Variants in DLGAP2 observed in about 807,000 individuals in gnomAD.
DLGAP2 encodes the protein disks large-associated protein 2.
In DLGAP2, 26 loss-of-function variants were observed where a neutral mutation model predicts 100.3. That is an observed-to-expected ratio of 0.26 (90% CI 0.19 to 0.36). The LOEUF (loss-of-function observed/expected upper bound fraction) is 0.36. Among genes scored for constraint, DLGAP2 ranks in the 10% least tolerant of loss-of-function variants. The pLI, the probability that DLGAP2 is intolerant of heterozygous loss-of-function variation, is 1.00. For synonymous variants in DLGAP2, 886 were observed against 630.1 expected (o/e 1.41, Z -6.08); for missense variants, 1,858 against 1,453.2 (o/e 1.28, Z -4.53).
intron 2 of DLGAP2, among the ~76,000 whole-genome samples, chr8:963,484 T>C (rs1300577500): frequency 6.6e-6 from 1 of 152,246 alleles, no homozygotes; most frequent in Non-Finnish European, 1.5e-5. Flanking sequence ...TTATTAATTT[T>C]AATATAACTT....
chr8:755,911 A>C (rs1336008317), intron 1 of DLGAP2, among the ~76,000 whole-genome samples: 2 of 151,910 alleles, frequency 1.3e-5, no homozygotes, highest in Non-Finnish European at 2.9e-5. Flanking sequence ...GCGGGTGGAG[A>C]GTGTGGGATA....
chr8:1,339,470 A>T (rs1801370299), intron 3 of DLGAP2, among the ~76,000 whole-genome samples: 1 of 152,006 alleles, frequency 6.6e-6, no homozygotes, highest in South Asian at 2.1e-4. Context: ...GCACACAGGG[A>T]CCCTCCCTTG....
chr8:1,178,742 C>T (rs181668699), intron 2 of DLGAP2, among the ~76,000 whole-genome samples: 104 of 152,286 alleles, frequency 6.8e-4, no homozygotes, highest in African/African-American at 2.2e-3. Context: ...CCCTTTGGCT[C>T]AGAGACAGTC....
intron 2 of DLGAP2, among the ~76,000 whole-genome samples, chr8:1,025,882 A>G (rs138013380): frequency 7.9e-4 from 121 of 152,258 alleles, no homozygotes; most frequent in African/African-American, 2.8e-3. Flanking sequence ...CAATATACAA[A>G]GTGAGGGACA....
rs568508673 is a variant in DLGAP2 at position 1,347,003 on chromosome 8, T to C, written c.106+88120T>C. Among the ~76,000 whole-genome samples, 4 of 151,944 alleles carry C rather than the reference T, an allele frequency of 2.6e-5. No individual in the cohort carries two copies. The South Asian group carries it at 6.3e-4, about 24-fold the overall frequency. On this transcript the variant is annotated intron_variant, in intron 3 of 14. Transcript: ENST00000637795. ...CTGCATTGCACTCATGGTAGCTGTG[T>C]GGAGGTTGAGTTACCATACAGAGCT... is the stretch of plus-strand genomic sequence containing the variant.
intron 6 of DLGAP2, among the ~76,000 whole-genome samples, chr8:1,602,662 A>T (rs1160400499): frequency 6.6e-6 from 1 of 152,204 alleles, no homozygotes; most frequent in Non-Finnish European, 1.5e-5. Context: ...CAAGGCAGCA[A>T]GGAAGCCCCT....
chr8:1,356,406 A>G (rs1801852058), intron 3 of DLGAP2, among the ~76,000 whole-genome samples: 1 of 152,166 alleles, frequency 6.6e-6, no homozygotes, highest in Non-Finnish European at 1.5e-5. Flanking sequence ...GAAAAATAAA[A>G]CCATGTGAAA....
chr8:957,099 G>A (rs1281897436), intron 2 of DLGAP2, among the ~76,000 whole-genome samples: 2 of 152,216 alleles, frequency 1.3e-5, no homozygotes, highest in African/African-American at 2.4e-5. Context: ...TGTGGGAGAG[G>A]AGGTTTTCTT....
chr8:1,537,229 C>G (rs894085710), intron 4 of DLGAP2, among the ~76,000 whole-genome samples: 2 of 152,058 alleles, frequency 1.3e-5, no homozygotes, highest in African/African-American at 2.4e-5. Context: ...GCATGTGCAT[C>G]TGTGTGTTTG....
chr8:1,005,908 G>A lies in DLGAP2; in HGVS notation c.73+97942G>A, dbSNP rs191390684. ...AACTTACGTAACGGGGAGTGAGGGA[G>A]ATCAAAGAAATCTCACACCCTGGTC... On this transcript the variant is annotated intron_variant, in intron 2 of 14. Transcript: ENST00000637795. Among the ~76,000 whole-genome samples the A allele has an allele frequency of 8.5e-4, 130 of 152,254 alleles. 1 individual carries two copies. The highest frequency in any genetic ancestry group is 2.9e-3 in the African/African-American group (122 of 41,536).
intron 3 of DLGAP2, among the ~76,000 whole-genome samples, chr8:1,318,916 A>C (rs1361778414): frequency 1.3e-5 from 2 of 151,826 alleles, no homozygotes; most frequent in Non-Finnish European, 2.9e-5. Context: ...CATAGATTTT[A>C]GGATTAACTC....
At chr8:1,632,683 T>C (rs906563069) in intron 7 of DLGAP2, 144 bp from the exon 8 acceptor site, 24 of 722,704 alleles carry the variant, frequency 3.3e-5, no homozygotes, top group Non-Finnish European at 5.2e-5. Flanking sequence ...GCTCAGCCGA[T>C]GCCCATGCTG....
Position 946,269 on chromosome 8 carries a change from GT to G in DLGAP2, c.73+38319del, listed in dbSNP as rs767524745. On this transcript the variant is annotated intron_variant, in intron 2 of 14. Transcript: ENST00000637795. ...CTGTGAGAATAGTGCTGTTTCTTAG[GT>G]TTTTTTTTTTTTTTTGACAGTCTCA... is the stretch of plus-strand genomic sequence containing the variant. Among the ~76,000 whole-genome samples the G allele has an allele frequency of 3.6e-3, 500 of 140,094 alleles. 2 individuals are homozygous for G. Among genetic ancestry groups the G allele is most frequent in the African/African-American group, 7.0e-3 (265 of 37,924 alleles). 91.9% of individuals were successfully genotyped at this position (140,094 alleles called of 152,430 possible). A position where few individuals can be genotyped will look rare whatever the true frequency, so the allele number is the denominator to read the frequency against.
At chr8:1,070,944 A>G (rs1450293606) in intron 2 of DLGAP2, among the ~76,000 whole-genome samples, 1 of 152,192 alleles carries the variant, frequency 6.6e-6, no homozygotes, top group East Asian at 1.9e-4. Flanking sequence ...AGCCCCTGGA[A>G]GACTCAGCCT....
intron 2 of DLGAP2, among the ~76,000 whole-genome samples, chr8:990,281 C>T (rs996933046): frequency 6.6e-6 from 1 of 151,742 alleles, no homozygotes; most frequent in Non-Finnish European, 1.5e-5. Flanking sequence ...GGGAATCGAC[C>T]TTCTGAAGTT....
intron 1 of DLGAP2, among the ~76,000 whole-genome samples, chr8:895,213 A>G (rs1798121996): frequency 6.6e-6 from 1 of 152,084 alleles, no homozygotes; most frequent in Admixed American, 6.5e-5. Flanking sequence ...GGTGATGGAT[A>G]TGCTAATTAG....
chr8:1,096,555 C>CA (rs1354805366), intron 2 of DLGAP2, among the ~76,000 whole-genome samples: 1 of 151,824 alleles, frequency 6.6e-6, no homozygotes, highest in African/African-American at 2.4e-5. Context: ...TCCCTGTGCT[C>CA]AGGAGAGTCA....
chr8:1,130,616 T>C (rs1218754413), intron 2 of DLGAP2, among the ~76,000 whole-genome samples: 1 of 152,212 alleles, frequency 6.6e-6, no homozygotes, highest in East Asian at 1.9e-4. Flanking sequence ...CCTGGGTGTT[T>C]ACCAGGAGGC....
intron 10 of DLGAP2, among the ~76,000 whole-genome samples, chr8:1,674,912 A>G (rs1038696852): frequency 9.2e-5 from 14 of 152,262 alleles, no homozygotes; most frequent in African/African-American, 3.1e-4. Flanking sequence ...TTGTATTACA[A>G]TCCTTTGCGT....
Sources: gnomAD v4.1 joint callset for allele counts (sites outside exome capture counted in the v4.1 genomes callset) on GRCh38, gnomAD v4.1.1 for gene constraint, MANE v1.5 for transcripts, NCBI Gene and HGNC (gene_info 2026-07-23, HGNC 2026-07-21) for gene names.